CEACAM18: variants seen among roughly 807,000 people sequenced by gnomAD.
CEACAM18 encodes the protein CEA cell adhesion molecule 18.
Under a neutral mutation model 34.3 loss-of-function variants are expected in CEACAM18, and 33 were observed. The ratio of observed to expected loss-of-function variants is 0.96; its 90% confidence interval spans 0.73 to 1.29. CEACAM18 has a LOEUF of 1.29. CEACAM18 is among the 50% of genes most tolerant of loss of function. The pLI, the probability that CEACAM18 is intolerant of heterozygous loss-of-function variation, is 0.00. For missense variants in CEACAM18, 474 were observed against 485.0 expected (o/e 0.98, Z 0.21); for synonymous variants, 169 against 180.9 (o/e 0.93, Z 0.53).
chr19:51,482,121 T>C (rs1989927307), intron 3 of CEACAM18, among the ~76,000 whole-genome samples: 1 of 152,210 alleles, frequency 6.6e-6, no homozygotes, highest in Non-Finnish European at 1.5e-5. Context: ...TATGCTCCCT[T>C]AAACAGAGAG....
exon 2 of CEACAM18, chr19:51,480,643 T>C: frequency 6.2e-7 from 1 of 1,613,582 alleles, no homozygotes; most frequent in Non-Finnish European, 8.5e-7. Flanking sequence ...TTGCAGGCAA[T>C]GAGACCCAAA....
chr19:51,485,132 T>G lies in CEACAM18; in HGVS notation c.1089+10T>G. 1 of 1,497,672 alleles carries G rather than the reference T, an allele frequency of 6.7e-7. No individual in the cohort carries two copies. The highest frequency in any genetic ancestry group is 2.5e-5 in the East Asian group (1 of 39,870). The allele number at this position is 1,497,672 out of a possible 1,614,324, so 92.8% of individuals were successfully genotyped here. A position where few individuals can be genotyped will look rare whatever the true frequency, so the allele number is the denominator to read the frequency against. On this transcript the variant is annotated intron_variant, in intron 5 of 5. Coordinates refer to ENST00000396477, the Ensembl canonical transcript of CEACAM18. The stretch of plus-strand genomic sequence containing the variant: ...ACCACTACTCAATCAGGTGCCCTCA[T>G]TGCTCTGGGACAAGGGTGGGATGTT...
chr19:51,490,161 C>T (rs1990067670), intron 5 of CEACAM18, among the ~76,000 whole-genome samples: 1 of 152,188 alleles, frequency 6.6e-6, no homozygotes, highest in African/African-American at 2.4e-5. Context: ...TCTTCATCTG[C>T]AAATGGGTTA....
chr19:51,481,605 A>G (rs1361478953), exon 3 of CEACAM18: 3 of 1,613,914 alleles, frequency 1.9e-6, no homozygotes, highest in African/African-American at 2.7e-5. Flanking sequence ...AATTCAGTGC[A>G]TGATAGAGAG....
At chr19:51,490,708 G>A in exon 6 of CEACAM18, 2 of 985,964 alleles carry the variant, frequency 2.0e-6, no homozygotes, top group Non-Finnish European at 2.6e-6. Flanking sequence ...AGGCTGAAAA[G>A]GGTCCAGGGT....
At chr19:51,484,863 G>A (rs1989974452) in intron 4 of CEACAM18, 124 bp from the exon 5 acceptor site, 1 of 1,218,000 alleles carries the variant, frequency 8.2e-7, no homozygotes, top group Non-Finnish European at 1.2e-6. Context: ...ACCTGGAACA[G>A]TGCTTTGCTG....
In CEACAM18 at chr19:51,478,818, G is replaced by T. The variant is rs563129771; in HGVS notation, c.52+124G>T. 221 of 653,582 alleles carry T rather than the reference G, an allele frequency of 3.4e-4. 3 individuals are homozygous for T. In the Middle Eastern group the frequency reaches 0.012, roughly 34 times the overall value. 40.5% of individuals were successfully genotyped at this position (653,582 alleles called of 1,614,324 possible). On this transcript the variant is annotated intron_variant, in intron 1 of 5. Transcript: ENST00000396477. Reference sequence around the variant, plus strand: ...GGCACATCAAGAAACTCCCAGAGCAGGGGTCGGGGAGAGGAGAAGGGGGAG... The same window carrying T: ...GGCACATCAAGAAACTCCCAGAGCATGGGTCGGGGAGAGGAGAAGGGGGAG...
Position 51,490,679 on chromosome 19 carries a change from G to C in CEACAM18, c.*27G>C, listed in dbSNP as rs755701146. On this transcript the variant is annotated 3_prime_UTR_variant, in exon 6 of 6. Coordinates refer to ENST00000396477, the Ensembl canonical transcript of CEACAM18. The stretch of plus-strand genomic sequence containing the variant: ...GAGAGGGTGATGGAGAAGGGCTGGG[G>C]GTCCCCATAGGGCCAGCGAGGCTGA... 3 of 1,183,336 alleles carry C rather than the reference G, an allele frequency of 2.5e-6. No homozygotes were observed. The African/African-American group carries it at 4.7e-5, about 19-fold the overall frequency. The allele number at this position is 1,183,336 out of a possible 1,614,324, so 73.3% of individuals were successfully genotyped here.
chr19:51,486,958 G>A (rs998223063), intron 5 of CEACAM18, among the ~76,000 whole-genome samples: 2 of 151,228 alleles, frequency 1.3e-5, no homozygotes, highest in Non-Finnish European at 2.9e-5. Flanking sequence ...TCCTGACCTC[G>A]TGATCCGCCC....
chr19:51,482,945 G>T (rs1431504185), intron 3 of CEACAM18, 72 bp from the exon 4 acceptor site: 6 of 1,562,026 alleles, frequency 3.8e-6, no homozygotes, highest in Non-Finnish European at 5.2e-6. Context: ...CTCCTGGCTG[G>T]GGGAGGACTT....
chr19:51,486,590 C>T (rs1346399784), intron 5 of CEACAM18, among the ~76,000 whole-genome samples: 4 of 152,112 alleles, frequency 2.6e-5, no homozygotes, highest in Admixed American at 6.5e-5. Context: ...GTCTCCTTCA[C>T]CTGAGATCAA....
At chr19:51,479,221 C>A (rs2122178625) in intron 1 of CEACAM18, among the ~76,000 whole-genome samples, 1 of 152,296 alleles carries the variant, frequency 6.6e-6, no homozygotes, top group East Asian at 1.9e-4. Context: ...TCCAGTGTGT[C>A]CATACGTGAG....
chr19:51,478,772 C>A, intron 1 of CEACAM18, 78 bp downstream of exon 1: 1 of 1,078,512 alleles, frequency 9.3e-7, no homozygotes, highest in Non-Finnish European at 1.2e-6. Flanking sequence ...GGGGAGGGGG[C>A]TGGGACCATC....
chr19:51,490,089 C>T (rs1990066492), intron 5 of CEACAM18, among the ~76,000 whole-genome samples: 1 of 152,140 alleles, frequency 6.6e-6, no homozygotes, highest in Admixed American at 6.5e-5. Context: ...GGAATATTGG[C>T]CTCTGTTATG....
At position 51,486,758 on chromosome 19, in the gene CEACAM18, C is replaced by T. The variant is rs553782799; in HGVS notation, c.1089+1636C>T. ...TTTTATATGGAGTCTCTCTCTGTTG[C>T]CCAGGCTGGAGTGCAGTGGCGCGAT... On this transcript the variant is annotated intron_variant, in intron 5 of 5. Coordinates refer to ENST00000396477, the Ensembl canonical transcript of CEACAM18. Among the ~76,000 whole-genome samples, 11 of 149,242 alleles carry T rather than the reference C, an allele frequency of 7.4e-5. No homozygotes were observed. The South Asian group carries it at 1.9e-3, about 26-fold the overall frequency.
At chr19:51,490,659 G>C in exon 6 of CEACAM18, 1 of 1,229,690 alleles carries the variant, frequency 8.1e-7, no homozygotes, top group Non-Finnish European at 1.0e-6. Flanking sequence ...GTGAGGAGAG[G>C]GTGATGGAGA....
exon 6 of CEACAM18, chr19:51,490,883 G>T: frequency 2.7e-6 from 1 of 371,550 alleles, no homozygotes; most frequent in East Asian, 3.9e-5. Context: ...CTGGTCAATG[G>T]GTTGCAGGTC....
intron 5 of CEACAM18, among the ~76,000 whole-genome samples, chr19:51,486,780 C>T (rs1327075316): frequency 1.7e-4 from 25 of 149,196 alleles, no homozygotes; most frequent in African/African-American, 4.5e-4. Flanking sequence ...TGCAGTGGCG[C>T]GATCTCAGCT....
At chr19:51,486,514 G>C (rs189240939) in intron 5 of CEACAM18, among the ~76,000 whole-genome samples, 4 of 152,106 alleles carry the variant, frequency 2.6e-5, no homozygotes, top group Admixed American at 6.5e-5. Context: ...GACTGTAGTA[G>C]GAGCAGCCGA....
Sources: allele counts gnomAD v4.1 joint callset (sites outside exome capture counted in the v4.1 genomes callset), GRCh38; gene constraint gnomAD v4.1.1; transcripts MANE v1.5; gene names NCBI Gene and HGNC (gene_info 2026-07-23, HGNC 2026-07-21).